PI4K2A: variants seen among roughly 807,000 people sequenced by gnomAD.
PI4K2A encodes phosphatidylinositol 4-kinase type 2 alpha, also known as phosphatidylinositol 4-kinase type 2-alpha.
In PI4K2A, 20 loss-of-function variants were observed where a neutral mutation model predicts 55.0. The ratio of observed to expected loss-of-function variants is 0.36; its 90% confidence interval spans 0.26 to 0.53. PI4K2A has a LOEUF of 0.53. Ranked by LOEUF, PI4K2A falls within the 20% of genes least tolerant of loss-of-function variation. The pLI is 0.91. For missense variants in PI4K2A, 463 were observed against 637.1 expected, an observed-to-expected ratio of 0.73 and a Z score of 2.94; for synonymous variants, 235 against 258.5, an observed-to-expected ratio of 0.91 and a Z score of 0.87.
chr10:97,656,298 C>T lies in PI4K2A; in HGVS notation c.650C>T (p.Ala217Val). 1 of 1,613,392 alleles carries T rather than the reference C, an allele frequency of 6.2e-7. No individual in the cohort carries two copies. The highest frequency in any genetic ancestry group is 8.5e-7 in the Non-Finnish European group (1 of 1,179,346). Residue 217 changes from alanine to valine, a missense_variant, in exon 3 of 9, where the codon GCC (alanine) becomes GTC (valine). Coordinates refer to ENST00000370631, the Ensembl canonical transcript of PI4K2A. The surrounding 1 kb of genome is among the most constrained non-coding windows in gnomAD (Gnocchi z 4.5). ...CTTTCACTGTAGGTAGTATACCTGG[C>T]CAGTGAGACCTTCAACTATAGTGCC...
At chr10:97,645,666 A>G (rs1449213161) in intron 1 of PI4K2A, among the ~76,000 whole-genome samples, 1 of 151,026 alleles carries the variant, frequency 6.6e-6, no homozygotes, top group Admixed American at 6.6e-5. Flanking sequence ...ACCTACATGT[A>G]TGACAAACTT....
chr10:97,658,493 AACATGGGTGT>A (rs1313891398), intron 4 of PI4K2A, among the ~76,000 whole-genome samples: 1 of 152,232 alleles, frequency 6.6e-6, no homozygotes, highest in Non-Finnish European at 1.5e-5. Flanking sequence ...TGCTACTATG[AACATGGGTGT>A]ACAAATATCT....
At chr10:97,661,340 A>G (rs956906311) in intron 4 of PI4K2A, among the ~76,000 whole-genome samples, 2 of 150,978 alleles carry the variant, frequency 1.3e-5, no homozygotes, top group African/African-American at 2.4e-5. Flanking sequence ...TATAGCATCC[A>G]TAGATACCTC....
intron 5 of PI4K2A, 51 bp from the exon 6 acceptor site, chr10:97,664,834 G>T (rs1270922585): frequency 8.2e-7 from 1 of 1,223,590 alleles, no homozygotes; most frequent in Non-Finnish European, 1.2e-6. Context: ...TAATTGGAAG[G>T]GCCTGAGGGA....
exon 9 of PI4K2A, chr10:97,673,913 G>C: frequency 1.6e-6 from 1 of 612,760 alleles, no homozygotes; most frequent in African/African-American, 1.8e-5. Context: ...GCACAATCAG[G>C]AACAGTGAGT....
intron 1 of PI4K2A, among the ~76,000 whole-genome samples, chr10:97,646,356 A>C (rs1242384054): frequency 4.0e-5 from 6 of 151,854 alleles, no homozygotes; most frequent in African/African-American, 1.5e-4. Flanking sequence ...CTGGGATTAC[A>C]GGTGCGCCCA....
chr10:97,651,768 C>G (rs1257851622), intron 2 of PI4K2A, among the ~76,000 whole-genome samples: 1 of 151,714 alleles, frequency 6.6e-6, no homozygotes, highest in African/African-American at 2.4e-5. Context: ...CTCCCCCAAC[C>G]CCCACCCCCA....
intron 8 of PI4K2A, among the ~76,000 whole-genome samples, chr10:97,672,333 G>A (rs1252658416): frequency 1.3e-5 from 2 of 152,080 alleles, no homozygotes; most frequent in South Asian, 4.2e-4. Context: ...GAGCCACTAC[G>A]CCCGGACCAA....
exon 7 of PI4K2A, chr10:97,666,551 G>C: frequency 6.2e-7 from 1 of 1,613,572 alleles, no homozygotes. Flanking sequence ...CTTGGAAGAG[G>C]ACCTATATGA....
At chr10:97,651,615 A>G (rs781628436) in intron 2 of PI4K2A, among the ~76,000 whole-genome samples, 3 of 152,228 alleles carry the variant, frequency 2.0e-5, no homozygotes, top group Admixed American at 2.0e-4. Flanking sequence ...GGGAACTGAC[A>G]TGGAATATTT....
chr10:97,653,936 C>G (rs2041540915), intron 2 of PI4K2A, among the ~76,000 whole-genome samples: 2 of 152,022 alleles, frequency 1.3e-5, no homozygotes, highest in South Asian at 4.1e-4. Context: ...AAATACTTGT[C>G]TTCCATGAGA....
At chr10:97,648,562 T>C (rs2041516264) in intron 1 of PI4K2A, among the ~76,000 whole-genome samples, 1 of 152,202 alleles carries the variant, frequency 6.6e-6, no homozygotes, top group Non-Finnish European at 1.5e-5. Flanking sequence ...AGCCCTGGTA[T>C]TTTTCAGCCC....
chr10:97,644,342 C>G (rs2041493914), intron 1 of PI4K2A, among the ~76,000 whole-genome samples: 1 of 150,646 alleles, frequency 6.6e-6, no homozygotes, highest in East Asian at 1.9e-4. Context: ...CAGAGTGAGA[C>G]TCCGTCTCAA....
chr10:97,651,168 T>C lies in PI4K2A; in HGVS notation c.636+27T>C, dbSNP rs777042021. On this transcript the variant is annotated intron_variant, in intron 2 of 8. Transcript: ENST00000370631. Reference sequence around the variant, plus strand: ...TCAGTGACCCATCTCCAGGAAGCCTTACTGCCTGGCCACAGTTTTCCTGGG... The same window carrying C: ...TCAGTGACCCATCTCCAGGAAGCCTCACTGCCTGGCCACAGTTTTCCTGGG... 12 of 1,574,186 alleles carry C rather than the reference T, an allele frequency of 7.6e-6. No homozygotes were observed. In the South Asian group the frequency reaches 1.3e-4, roughly 17 times the overall value.
rs369986897 is a variant in PI4K2A, at chr10:97,642,896, C to T, written c.435+1719C>T. 7.4e-3 allele frequency among the ~76,000 whole-genome samples: 749 copies of T among 101,554 alleles called. 31 individuals are homozygous for T. The highest frequency in any genetic ancestry group is 0.017 in the African/African-American group (389 of 23,424). 66.6% of individuals were successfully genotyped at this position (101,554 alleles called of 152,430 possible). A position where few individuals can be genotyped will look rare whatever the true frequency, so the allele number is the denominator to read the frequency against. Reference sequence around the variant, plus strand: ...TTCTTTCTTTCTTTCTTCCTTCCTTCCTTCCTTCCTTCCTTCCTTCCTTCC... The same window carrying T: ...TTCTTTCTTTCTTTCTTCCTTCCTTTCTTCCTTCCTTCCTTCCTTCCTTCC... On this transcript the variant is annotated intron_variant, in intron 1 of 8. Coordinates refer to ENST00000370631, the Ensembl canonical transcript of PI4K2A.
At chr10:97,666,924 G>T in intron 7 of PI4K2A, 137 bp from the exon 8 acceptor site, 3 of 680,572 alleles carry the variant, frequency 4.4e-6, no homozygotes, top group Non-Finnish European at 8.0e-6. Context: ...GGGAGTTCTT[G>T]TGGGAGTAGT....
At chr10:97,641,047 A>G in exon 1 of PI4K2A, 2 of 1,602,200 alleles carry the variant, frequency 1.2e-6, no homozygotes, top group Non-Finnish European at 1.7e-6. Context: ...CGCGAGCGGA[A>G]CGAGTTCCCG....
intron 8 of PI4K2A, among the ~76,000 whole-genome samples, chr10:97,669,162 G>A (rs987823555): frequency 3.5e-4 from 53 of 152,170 alleles, no homozygotes; most frequent in Non-Finnish European, 7.4e-5. Context: ...CACTGAGCCC[G>A]GCCTGGACAG....
intron 1 of PI4K2A, among the ~76,000 whole-genome samples, chr10:97,648,615 C>A (rs1224143140): frequency 6.6e-6 from 1 of 152,214 alleles, no homozygotes. Flanking sequence ...TCATTGAGGA[C>A]CAGCTTACTG....
Sources: gnomAD v4.1 joint callset for allele counts (sites outside exome capture counted in the v4.1 genomes callset) on GRCh38, gnomAD v4.1.1 for gene constraint, Gnocchi (gnomAD v3.1) non-coding constraint, MANE v1.5 for transcripts, NCBI Gene and HGNC (gene_info 2026-07-23, HGNC 2026-07-21) for gene names.